The following SERINC5 variants were observed in gnomAD, a reference collection of about 807,000 sequenced individuals.
The protein encoded by SERINC5 is serine incorporator 5.
A neutral mutation model predicts 63.1 loss-of-function variants in SERINC5; 41 were observed. That is an observed-to-expected ratio of 0.65 (90% confidence interval 0.51 to 0.84). SERINC5 has a LOEUF of 0.84. SERINC5 is among the 40% of genes least tolerant of loss of function. SERINC5 has a pLI of 0.00. For synonymous variants in SERINC5, 222 were observed against 215.2 expected (o/e 1.03, Z -0.28); for missense variants, 523 against 573.0 (o/e 0.91, Z 0.89).
chr5:80,197,667 C>A (rs972239956), intron 2 of SERINC5, among the ~76,000 whole-genome samples: 1 of 152,198 alleles, frequency 6.6e-6, no homozygotes, highest in African/African-American at 2.4e-5. Flanking sequence ...GTGGCCCCTA[C>A]TCCCTAGGAA....
At chr5:80,243,324 C>A (rs2112596314) in intron 1 of SERINC5, among the ~76,000 whole-genome samples, 1 of 152,276 alleles carries the variant, frequency 6.6e-6, no homozygotes, top group South Asian at 2.1e-4. Context: ...AAGACTCTTA[C>A]ATAAAACATC....
At chr5:80,196,085 T>G (rs1246135477) in intron 2 of SERINC5, among the ~76,000 whole-genome samples, 1 of 152,086 alleles carries the variant, frequency 6.6e-6, no homozygotes, top group African/African-American at 2.4e-5. Flanking sequence ...AGCCTGAGAC[T>G]TTTATGACCT....
chr5:80,183,688 G>C (rs1451489205), intron 2 of SERINC5, among the ~76,000 whole-genome samples: 1 of 151,980 alleles, frequency 6.6e-6, no homozygotes, highest in East Asian at 1.9e-4. Context: ...CCCCCACTGA[G>C]CACCTTGTGA....
intron 1 of SERINC5, among the ~76,000 whole-genome samples, chr5:80,229,184 CGGCTAAT>C (rs970790593): frequency 1.3e-5 from 2 of 151,422 alleles, no homozygotes; most frequent in African/African-American, 4.9e-5. Context: ...CCACCACGCC[CGGCTAAT>C]TTTTGTATTT....
In SERINC5 at chr5:80,140,914, T is replaced by C. The variant is rs1745468745; in HGVS notation, c.*2749A>G. 5 of 985,078 alleles carry C rather than the reference T, an allele frequency of 5.1e-6. No individual in the cohort carries two copies. The Admixed American group carries it at 2.5e-4, about 48-fold the overall frequency. 61.0% of individuals were successfully genotyped at this position (985,078 alleles called of 1,614,324 possible). Reference sequence around the variant, plus strand: ...TCTTTAGGTCATGTACAAAAAGGTGTAGGAAGCAAATGTCTATTATTTTTA... The same window carrying C: ...TCTTTAGGTCATGTACAAAAAGGTGCAGGAAGCAAATGTCTATTATTTTTA... On this transcript the variant is annotated 3_prime_UTR_variant, in exon 12 of 12. Coordinates refer to ENST00000507668, the MANE Select transcript of SERINC5 (RefSeq NM_001174072.3).
intron 5 of SERINC5, among the ~76,000 whole-genome samples, chr5:80,171,626 TAG>T (rs1407881617): frequency 6.6e-6 from 1 of 152,114 alleles, no homozygotes; most frequent in Non-Finnish European, 1.5e-5. Flanking sequence ...ACAAAACAGC[TAG>T]AGGAGAGGCT....
At chr5:80,179,258 C>G (rs1198224383) in intron 2 of SERINC5, among the ~76,000 whole-genome samples, 2 of 152,160 alleles carry the variant, frequency 1.3e-5, no homozygotes, top group Non-Finnish European at 2.9e-5. Context: ...GAGATCGTGA[C>G]ACTGCACTCT....
At chr5:80,201,201 T>C (rs573202943) in intron 2 of SERINC5, among the ~76,000 whole-genome samples, 32 of 152,278 alleles carry the variant, frequency 2.1e-4, no homozygotes, top group African/African-American at 6.5e-4. Flanking sequence ...CCCCGGGCAA[T>C]GTCATCCCTA....
At chr5:80,191,682 A>G (rs1436928189) in intron 2 of SERINC5, among the ~76,000 whole-genome samples, 1 of 130,950 alleles carries the variant, frequency 7.6e-6, no homozygotes, top group Non-Finnish European at 1.5e-5. Flanking sequence ...AAAAAGAAAG[A>G]AAAAAAAAAA....
At chr5:80,244,737 G>A (rs1357540519) in intron 1 of SERINC5, among the ~76,000 whole-genome samples, 3 of 152,020 alleles carry the variant, frequency 2.0e-5, no homozygotes, top group Non-Finnish European at 4.4e-5. Flanking sequence ...CAGGAGAAAC[G>A]CTTGAACCCA....
At position 80,152,854 on chromosome 5, in the gene SERINC5, T is replaced by C. The variant is rs527902552; in HGVS notation, c.987-1906A>G. Among the ~76,000 whole-genome samples the C allele has an allele frequency of 3.2e-4, 48 of 152,052 alleles. No homozygotes were observed. The South Asian group carries it at 5.0e-3, about 16-fold the overall frequency. On this transcript the variant is annotated intron_variant, in intron 8 of 11. Transcript: ENST00000507668. ...TGCTCAGGGGGCTGAGGCAGGAAAATTGCTTGACACTCAGGAGGCAGAGGT... is the reference window on the plus strand; with the variant it reads ...TGCTCAGGGGGCTGAGGCAGGAAAACTGCTTGACACTCAGGAGGCAGAGGT...
Position 80,158,899 on chromosome 5 carries a change from C to T in SERINC5, c.923G>A (p.Arg308Lys), listed in dbSNP as rs751889867. Residue 308 changes from arginine (R) to lysine (K), a missense_variant, in exon 8 of 12, where the codon AGA (arginine) becomes AAA (lysine). Physicochemically the swap from Arg to Lys is conservative, Grantham distance 26. Transcript: ENST00000507668. Reference sequence around the variant, plus strand: ...CAGTATAGTCACCAAGTTTTCATCTCTGTACAGGTCTTGACCAAAGTCAGG... The same window carrying T: ...CAGTATAGTCACCAAGTTTTCATCTTTGTACAGGTCTTGACCAAAGTCAGG... ...CVPDFGQDLY[R>K]DENLVTILGT... 4.3e-6 allele frequency: 7 copies of T among 1,613,624 alleles called. No individual in the cohort carries two copies. The highest frequency in any genetic ancestry group is 5.9e-6 in the Non-Finnish European group (7 of 1,179,606).
At chr5:80,122,213 A>ATATATATATATATATATAT (rs1554057292) in intron 11 of SERINC5, among the ~76,000 whole-genome samples, 17 of 107,354 alleles carry the variant, frequency 1.6e-4, no homozygotes, top group African/African-American at 5.9e-4. Context: ...ATATATATAT[A>ATATATATATATATATATAT]ATATGAGTTT....
intron 3 of SERINC5, among the ~76,000 whole-genome samples, chr5:80,177,633 T>TG (rs1308398997): frequency 6.6e-6 from 1 of 152,178 alleles, no homozygotes; most frequent in Non-Finnish European, 1.5e-5. Flanking sequence ...GGAAATGACC[T>TG]GGGGGAAGGT....
In SERINC5 at chr5:80,112,918, C is replaced by T. The variant is rs891416549; in HGVS notation, c.*29+654G>A. Among the ~76,000 whole-genome samples, 16 of 152,208 alleles carry T rather than the reference C, an allele frequency of 1.1e-4. 1 individual carries two copies. The East Asian group carries it at 2.5e-3, about 24-fold the overall frequency. ...GTTCAAGGCTGCAGTGAGCTGTGAT[C>T]GCACCACTGCACTCCAGCCTGGACA... On this transcript the variant is annotated intron_variant, in intron 12 of 12. Coordinates refer to the SERINC5 transcript ENST00000509193.
rs1745000025 is a variant in SERINC5 at position 80,132,816 on chromosome 5, A to C, written c.1238+13274T>G. ...TACACAGCAATAGGGGACTGGAATAAAAATTGGCACCAGAACATGAAATAC... is the reference window on the plus strand; with the variant it reads ...TACACAGCAATAGGGGACTGGAATACAAATTGGCACCAGAACATGAAATAC... On this transcript the variant is annotated intron_variant, in intron 11 of 12. Coordinates refer to the SERINC5 transcript ENST00000509193. 2.6e-5 allele frequency among the ~76,000 whole-genome samples: 4 copies of C among 152,162 alleles called. No individual in the cohort carries two copies. The South Asian group carries it at 8.3e-4, about 31-fold the overall frequency.
chr5:80,135,957 G>A (rs1336208449), downstream of SERINC5, among the ~76,000 whole-genome samples: 5 of 151,972 alleles, frequency 3.3e-5, no homozygotes, highest in African/African-American at 1.2e-4. Context: ...GAGGGGAAGT[G>A]GGGAACAGGG....
intron 8 of SERINC5, 78 bp from the exon 9 acceptor site, chr5:80,151,026 C>T: frequency 9.5e-7 from 1 of 1,051,178 alleles, no homozygotes; most frequent in Non-Finnish European, 1.5e-6. Flanking sequence ...GCCGGCTGGC[C>T]AGTGCTCCGA....
At chr5:80,153,275 T>C (rs952491558) in intron 8 of SERINC5, among the ~76,000 whole-genome samples, 12 of 151,792 alleles carry the variant, frequency 7.9e-5, no homozygotes, top group Non-Finnish European at 1.8e-4. Context: ...CTAGCCAACA[T>C]GGTGAGACCC....
Sources: gnomAD v4.1 joint callset for allele counts (sites outside exome capture counted in the v4.1 genomes callset) on GRCh38, gnomAD v4.1.1 for gene constraint, MANE v1.5 for transcripts, NCBI Gene and HGNC (gene_info 2026-07-23, HGNC 2026-07-21) for gene names.